EXOC2: variants seen among roughly 807,000 people sequenced by gnomAD.
EXOC2 encodes SEC5-like 1.
EXOC2 carries 70 observed loss-of-function variants against 131.8 expected under a neutral mutation model. The observed-to-expected ratio is 0.53, with a 90% CI of 0.44 to 0.65. The LOEUF is 0.65. EXOC2 is among the 30% of genes least tolerant of loss of function. The pLI, the probability that EXOC2 is intolerant of heterozygous loss-of-function variation, is 0.00. For missense variants in EXOC2, 923 were observed against 1,108.6 expected, an observed-to-expected ratio of 0.83 and a Z score of 2.38; for synonymous variants, 411 against 398.4, an observed-to-expected ratio of 1.03 and a Z score of -0.38.
At chr6:553,403 G>GTT (rs1487462515) in intron 21 of EXOC2, among the ~76,000 whole-genome samples, 1 of 150,880 alleles carries the variant, frequency 6.6e-6, no homozygotes, top group Non-Finnish European at 1.5e-5. Context: ...GTGTGTGTGT[G>GTT]TGTGTGTGTG....
chr6:634,054 C>T (rs1392552215), intron 2 of EXOC2, among the ~76,000 whole-genome samples: 1 of 137,936 alleles, frequency 7.2e-6, no homozygotes, highest in Non-Finnish European at 1.6e-5. Context: ...GGCACAGACA[C>T]AGACACTTGA....
intron 1 of EXOC2, among the ~76,000 whole-genome samples, chr6:654,020 G>A (rs1269452883): frequency 6.6e-6 from 1 of 152,200 alleles, no homozygotes; most frequent in Non-Finnish European, 1.5e-5. Context: ...TCTGTTTACA[G>A]CATCTGGTTT....
chr6:486,856 C>T (rs1763092356), intron 27 of EXOC2, 92 bp from the exon 28 acceptor site: 2 of 914,070 alleles, frequency 2.2e-6, no homozygotes, highest in East Asian at 2.4e-5. Flanking sequence ...CCGGCTCTGC[C>T]TGGGCTTGCT....
At chr6:553,055 T>C (rs1757230197) in intron 21 of EXOC2, among the ~76,000 whole-genome samples, 1 of 152,082 alleles carries the variant, frequency 6.6e-6, no homozygotes, top group Non-Finnish European at 1.5e-5. Context: ...GTAGCTGGGA[T>C]TACAGGCACC....
At chr6:593,507 A>G (rs888350799) in intron 10 of EXOC2, among the ~76,000 whole-genome samples, 1 of 152,252 alleles carries the variant, frequency 6.6e-6, no homozygotes, top group Non-Finnish European at 1.5e-5. Flanking sequence ...AAATATATCA[A>G]GTCTTTGTCT....
In EXOC2 at chr6:569,851, G is replaced by A. The variant is rs954252387; in HGVS notation, c.1443+2669C>T. On this transcript the variant is annotated intron_variant, in intron 13 of 27. Coordinates refer to ENST00000230449, the MANE Select transcript of EXOC2 (RefSeq NM_018303.6). ...TTTTTCATTTCACCATTAATGTTGT[G>A]CATGAGTTCTGAAGTAGATGATTTA... Among the ~76,000 whole-genome samples, 30 of 152,174 alleles carry A rather than the reference G, an allele frequency of 2.0e-4. 1 individual carries two copies. Among genetic ancestry groups the A allele is most frequent in the Middle Eastern group, 3.2e-3 (1 of 316 alleles).
intron 23 of EXOC2, among the ~76,000 whole-genome samples, chr6:512,725 T>C (rs1764924492): frequency 6.6e-6 from 1 of 152,178 alleles, no homozygotes. Context: ...GTAAGAGTGA[T>C]AAAGTTAGAA....
chr6:656,661 G>A, intron 1 of EXOC2: 1 of 1,606,904 alleles, frequency 6.2e-7, no homozygotes, highest in Non-Finnish European at 8.5e-7. Context: ...GGACGCGCCC[G>A]CTGCGCTTCT....
At chr6:572,770 G>A (rs988764110) in intron 12 of EXOC2, 126 bp from the exon 13 acceptor site, 17 of 1,219,324 alleles carry the variant, frequency 1.4e-5, no homozygotes, top group Non-Finnish European at 1.9e-5. Flanking sequence ...GCCTGAGTCT[G>A]CGTGGACGCT....
In EXOC2 at chr6:571,583, G is replaced by A. The variant is rs115156467; in HGVS notation, c.1443+937C>T. 7.1e-3 allele frequency among the ~76,000 whole-genome samples: 1,077 copies of A among 152,250 alleles called. 5 individuals carry two copies. Among genetic ancestry groups the A allele is most frequent in the Non-Finnish European group, 0.012 (801 of 68,022 alleles). On this transcript the variant is annotated intron_variant, in intron 13 of 27. Coordinates refer to ENST00000230449, the MANE Select transcript of EXOC2 (RefSeq NM_018303.6). ...GTACTCTGACACTTAGCCACTTTCC[G>A]CCAAGGAGGAGAGGTTTAAACCACA...
intron 24 of EXOC2, 136 bp downstream of exon 24, chr6:499,509 G>C: frequency 1.6e-6 from 1 of 638,446 alleles, no homozygotes; most frequent in Non-Finnish European, 2.7e-6. Context: ...AGCAAGAGCT[G>C]AACTGTATCT....
rs148867760 is a variant in EXOC2, at chr6:623,670, T to C, written c.423-4127A>G. Among the ~76,000 whole-genome samples, 473 of 152,238 alleles carry C rather than the reference T, an allele frequency of 3.1e-3. 1 individual carries two copies. Among genetic ancestry groups the C allele is most frequent in the African/African-American group, 0.01 (431 of 41,554 alleles). Reference sequence around the variant, plus strand: ...TCTCTGCTGAAACACAGCCCCCCAATTGCCCCTTAACTGGGGAGAGATCAA... The same window carrying C: ...TCTCTGCTGAAACACAGCCCCCCAACTGCCCCTTAACTGGGGAGAGATCAA... On this transcript the variant is annotated intron_variant, in intron 4 of 27. Transcript: ENST00000230449.
intron 2 of EXOC2, among the ~76,000 whole-genome samples, chr6:636,783 A>T (rs1395650107): frequency 6.6e-6 from 1 of 152,184 alleles, no homozygotes; most frequent in Non-Finnish European, 1.5e-5. Context: ...GCATCTGTAT[A>T]CCCACCTGAG....
rs66637987 is a variant in EXOC2 at position 654,803 on chromosome 6, CAAAAAAAAAAAAAAAAAAAAAAA to C, written c.-43-16965_-43-16943del. ...TGGGTGACAGAGTAAGACCCTGTCT[CAAAAAAAAAAAAAAAAAAAAAAA>C]AAAAAAAAAAAGTAGAGCCTTAAGG... is the stretch of plus-strand genomic sequence containing the variant. On this transcript the variant is annotated intron_variant, in intron 1 of 27. Transcript: ENST00000230449. Among the ~76,000 whole-genome samples the C allele has an allele frequency of 3.4e-4, 10 of 29,562 alleles. 1 individual carries two copies. In the East Asian group the frequency reaches 7.7e-3, roughly 23 times the overall value. 19.4% of individuals were successfully genotyped at this position (29,562 alleles called of 152,430 possible). A position where few individuals can be genotyped will look rare whatever the true frequency, so the allele number is the denominator to read the frequency against.
chr6:656,025 A>G, intron 1 of EXOC2: 5 of 1,078,150 alleles, frequency 4.6e-6, no homozygotes, highest in South Asian at 1.5e-5. Context: ...GAAGGTCCAA[A>G]TTTTCAACCC....
chr6:486,604 G>A lies in EXOC2; in HGVS notation c.*67C>T. The A allele has an allele frequency of 7.3e-7, 1 of 1,362,936 alleles. No individual in the cohort carries two copies. The highest frequency in any genetic ancestry group is 2.3e-5 in the East Asian group (1 of 43,298). The allele number at this position is 1,362,936 out of a possible 1,614,324, so 84.4% of individuals were successfully genotyped here. On this transcript the variant is annotated 3_prime_UTR_variant, in exon 28 of 28. Transcript: ENST00000230449. Reference sequence around the variant, plus strand: ...ATGTTTAATACACCAAATACCTTTAGGGTACTTAGAGAGTGAACAGTCTTA... The same window carrying A: ...ATGTTTAATACACCAAATACCTTTAAGGTACTTAGAGAGTGAACAGTCTTA...
rs1757872561 is a variant in EXOC2, at chr6:564,622, T to C, written c.1590A>G (p.Glu530=). 2 of 1,613,522 alleles carry C rather than the reference T, an allele frequency of 1.2e-6. No homozygotes were observed. The highest frequency in any genetic ancestry group is 2.7e-5 in the African/African-American group (2 of 74,874). The part of the protein sequence containing the change: ...ALLPLSIRDG[E]AKQYGGWEVK... ...CCTCCCAGCCTCCGTACTGCTTGGC[T>C]TCCCCATCCCGGATGCTGAGGGGAA... The change falls in exon 15 of 28, where the codon GAA becomes GAG. Residue 530 remains glutamate (E), a synonymous_variant. Coordinates refer to ENST00000230449, the MANE Select transcript of EXOC2 (RefSeq NM_018303.6).
intron 25 of EXOC2, among the ~76,000 whole-genome samples, chr6:493,139 A>G (rs1300415369): frequency 1.3e-5 from 2 of 152,190 alleles, no homozygotes; most frequent in Admixed American, 6.5e-5. Flanking sequence ...ACAATGACAA[A>G]AGACACAGCC....
intron 23 of EXOC2, among the ~76,000 whole-genome samples, chr6:515,614 TACA>T (rs1306926409): frequency 2.0e-5 from 3 of 150,632 alleles, no homozygotes; most frequent in Non-Finnish European, 4.4e-5. Flanking sequence ...ACCGTAATCA[TACA>T]ACGATTTCCA....
Sources: gnomAD v4.1 joint callset for allele counts (sites outside exome capture counted in the v4.1 genomes callset) on GRCh38, gnomAD v4.1.1 for gene constraint, MANE v1.5 for transcripts, NCBI Gene and HGNC (gene_info 2026-07-23, HGNC 2026-07-21) for gene names.